Variants in PDE1A observed in about 807,000 individuals in gnomAD.
PDE1A encodes the protein phosphodiesterase 1A.
A neutral mutation model predicts 61.7 loss-of-function variants in PDE1A; 35 were observed. That is an observed-to-expected ratio of 0.57 (90% confidence interval 0.43 to 0.75). PDE1A has a LOEUF of 0.75. Ranked by LOEUF, PDE1A falls within the 30% of genes least tolerant of loss-of-function variation. PDE1A has a pLI of 0.00. For missense variants in PDE1A, 597 were observed against 630.6 expected, an observed-to-expected ratio of 0.95 and a Z score of 0.57; for synonymous variants, 232 against 213.2, an observed-to-expected ratio of 1.09 and a Z score of -0.77.
At chr2:182,220,533 C>T (rs960748602) in intron 7 of PDE1A, among the ~76,000 whole-genome samples, 1 of 152,060 alleles carries the variant, frequency 6.6e-6, no homozygotes, top group Non-Finnish European at 1.5e-5. Flanking sequence ...GCAGCATGGT[C>T]TAATGTTTGA....
intron 10 of PDE1A, among the ~76,000 whole-genome samples, chr2:182,199,963 A>T (rs1686478792): frequency 1.3e-5 from 2 of 152,106 alleles, no homozygotes; most frequent in Non-Finnish European, 2.9e-5. Flanking sequence ...CTTTCAAAAT[A>T]CCACACATTA....
intron 1 of PDE1A, among the ~76,000 whole-genome samples, chr2:182,397,412 T>A (rs1217660083): frequency 1.3e-5 from 2 of 152,134 alleles, no homozygotes; most frequent in Non-Finnish European, 2.9e-5. Context: ...ATATGACACA[T>A]GATTTCAGAG....
chr2:182,583,478 G>T, the PDE1A span, among the ~76,000 whole-genome samples: 1 of 152,166 alleles, frequency 6.6e-6, no homozygotes, highest in Non-Finnish European at 1.5e-5. Context: ...CATCATCCAT[G>T]GATGCCTTGC....
At chr2:182,451,800 T>C (rs1004416494) in intron 2 of PDE1A, among the ~76,000 whole-genome samples, 4 of 152,132 alleles carry the variant, frequency 2.6e-5, no homozygotes, top group African/African-American at 9.6e-5. Flanking sequence ...GCTGCCCCTC[T>C]CTCCTACTGC....
At chr2:182,633,381 C>A in the PDE1A span, among the ~76,000 whole-genome samples, 16 of 152,202 alleles carry the variant, frequency 1.1e-4, no homozygotes, top group Admixed American at 3.9e-4. Flanking sequence ...TTCCTACCTA[C>A]ATTATTCTCC....
chr2:182,446,953 T>C (rs186344553), intron 2 of PDE1A, among the ~76,000 whole-genome samples: 19 of 152,112 alleles, frequency 1.2e-4, no homozygotes, highest in Admixed American at 7.9e-4. Flanking sequence ...TATATATATA[T>C]ATAGACCACA....
At chr2:182,218,298 T>C (rs1008850731) in intron 7 of PDE1A, among the ~76,000 whole-genome samples, 3 of 143,282 alleles carry the variant, frequency 2.1e-5, no homozygotes, top group East Asian at 2.2e-4. Flanking sequence ...AGGGATAGCA[T>C]TGGGAGATAT....
intron 1 of PDE1A, among the ~76,000 whole-genome samples, chr2:182,416,943 C>G (rs543433565): frequency 6.6e-6 from 1 of 152,132 alleles, no homozygotes; most frequent in Non-Finnish European, 1.5e-5. Flanking sequence ...TGGTGACCTA[C>G]GACCAAACAG....
At chr2:182,317,405 AC>A (rs1455809630) in intron 1 of PDE1A, among the ~76,000 whole-genome samples, 1 of 152,120 alleles carries the variant, frequency 6.6e-6, no homozygotes, top group African/African-American at 2.4e-5. Context: ...TATGTTGAAC[AC>A]CTACTATGCA....
chr2:182,147,203 A>G, intron 13 of PDE1A, 51 bp from the exon 14 acceptor site: 1 of 1,065,214 alleles, frequency 9.4e-7, no homozygotes, highest in South Asian at 1.4e-5. Context: ...AGGCTTTGGA[A>G]AAAACTAATA....
At chr2:182,535,077 T>C in the PDE1A span, among the ~76,000 whole-genome samples, 1 of 151,978 alleles carries the variant, frequency 6.6e-6, no homozygotes. Context: ...TCAAAAGTAT[T>C]TTTTTATATA....
intron 2 of PDE1A, among the ~76,000 whole-genome samples, chr2:182,491,196 A>G (rs2125882516): frequency 6.6e-6 from 1 of 152,312 alleles, no homozygotes; most frequent in Middle Eastern, 3.4e-3. Flanking sequence ...GTTTAGGGTA[A>G]CAGCAGTCAG....
chr2:182,620,626 AG>A, the PDE1A span, among the ~76,000 whole-genome samples: 1 of 152,244 alleles, frequency 6.6e-6, no homozygotes, highest in African/African-American at 2.4e-5. Context: ...TTATGCCATT[AG>A]AAGAACAAGA....
intron 7 of PDE1A, among the ~76,000 whole-genome samples, chr2:182,221,418 C>A (rs1688718215): frequency 6.6e-6 from 1 of 152,050 alleles, no homozygotes; most frequent in South Asian, 2.1e-4. Flanking sequence ...ATGTAGAGAG[C>A]CTTTGTTAAG....
chr2:182,193,261 C>A (rs910292726), intron 10 of PDE1A, among the ~76,000 whole-genome samples: 2 of 152,110 alleles, frequency 1.3e-5, no homozygotes, highest in Non-Finnish European at 2.9e-5. Flanking sequence ...GTTGGTATTA[C>A]AGGCGTGAGC....
At chr2:182,687,347 C>A in the PDE1A span, among the ~76,000 whole-genome samples, 4 of 152,190 alleles carry the variant, frequency 2.6e-5, no homozygotes, top group African/African-American at 9.6e-5. Flanking sequence ...TCCAGAGGAA[C>A]AATCAGACAG....
intron 1 of PDE1A, among the ~76,000 whole-genome samples, chr2:182,318,981 T>G (rs1481682720): frequency 3.3e-5 from 5 of 152,186 alleles, no homozygotes; most frequent in African/African-American, 1.2e-4. Flanking sequence ...AGAACTGCCT[T>G]GGAGAATGAA....
the PDE1A span, among the ~76,000 whole-genome samples, chr2:182,548,598 T>A: frequency 6.6e-6 from 1 of 152,202 alleles, no homozygotes; most frequent in Admixed American, 6.5e-5. Flanking sequence ...TTTTTCTTTT[T>A]TAAATAAGGA....
upstream of PDE1A, among the ~76,000 whole-genome samples, chr2:182,527,323 AAAAAATATATATATATATATATAT>A (rs1690789797): frequency 4.9e-5 from 2 of 41,074 alleles, no homozygotes; most frequent in African/African-American, 2.1e-4. Flanking sequence ...AAAAAAAAAA[AAAAAATATATATATATATATATAT>A]ATATATATAT....
Sources: gnomAD v4.1 joint callset for allele counts (sites outside exome capture counted in the v4.1 genomes callset) on GRCh38, gnomAD v4.1.1 for gene constraint, MANE v1.5 for transcripts, NCBI Gene and HGNC (gene_info 2026-07-23, HGNC 2026-07-21) for gene names.